LPIN2: variants seen among roughly 807,000 people sequenced by gnomAD.
LPIN2 encodes lipin 2.
Under a neutral mutation model 111.4 loss-of-function variants are expected in LPIN2, and 55 were observed. The observed-to-expected ratio is 0.49, with a 90% confidence interval of 0.40 to 0.62. LPIN2 has a LOEUF of 0.62. Among genes scored for constraint, LPIN2 ranks in the 20% least tolerant of loss-of-function variants. The pLI is 0.00. For synonymous variants in LPIN2, 425 were observed against 414.0 expected (o/e 1.03, Z -0.32); for missense variants, 992 against 1,112.1 (o/e 0.89, Z 1.54).
At position 2,934,389 on chromosome 18, in the gene LPIN2, A is replaced by C; in HGVS notation, c.1230T>G (p.Gly410=). Residue 410 remains glycine (G), a synonymous_variant, in exon 8 of 20, where the codon GGT becomes GGG. Coordinates refer to ENST00000677752, the MANE Select transcript of LPIN2 (RefSeq NM_001375808.2). ...PDDIYLDDLK[G]LEPEVAALYF... is the part of the protein sequence containing the mutation. ...AAAGAGCTGCAACTTCAGGTTCTAG[A>C]CCCTTTAAGTCATCAAGGTAAATAT... 2.5e-6 allele frequency: 4 copies of C among 1,613,806 alleles called. No homozygotes were observed. The highest frequency in any genetic ancestry group is 3.4e-6 in the Non-Finnish European group (4 of 1,179,850).
At chr18:2,932,394 A>C (rs2077222826) in intron 8 of LPIN2, among the ~76,000 whole-genome samples, 2 of 152,240 alleles carry the variant, frequency 1.3e-5, no homozygotes, top group African/African-American at 4.8e-5. Context: ...AGCAGACTAC[A>C]GATTATGTTT....
chr18:2,986,547 T>TAAAAAA (rs1555606339), intron 1 of LPIN2, among the ~76,000 whole-genome samples: 7 of 135,040 alleles, frequency 5.2e-5, no homozygotes, highest in East Asian at 4.3e-4. Context: ...TTTTTTAATG[T>TAAAAAA]AAAAAAAAAA....
At chr18:3,000,118 A>AAGGAGG (rs113566510) in intron 1 of LPIN2, among the ~76,000 whole-genome samples, 2,757 of 144,244 alleles carry the variant, frequency 0.019, 44 homozygotes, top group Non-Finnish European at 0.023. Flanking sequence ...GGAGGGGAAG[A>AAGGAGG]AGGAGGAGGA....
rs551868456 is a variant in LPIN2 at position 2,964,948 on chromosome 18, CA to C, written c.-9-4100del. On this transcript the variant is annotated intron_variant, in intron 1 of 19. Coordinates refer to ENST00000677752, the MANE Select transcript of LPIN2 (RefSeq NM_001375808.2). ...ATTGGGTCTACTCTGACTCTTATGA[CA>C]ATTATTTATGTCCATCTTTAAAAAC... 2.8e-3 allele frequency among the ~76,000 whole-genome samples: 424 copies of C among 152,226 alleles called. 1 individual carries two copies. Among genetic ancestry groups the C allele is most frequent in the African/African-American group, 9.5e-3 (396 of 41,528 alleles).
chr18:2,949,553 AAGAC>A lies in LPIN2; in HGVS notation c.590+1498_590+1501del, dbSNP rs536267350. 4.0e-3 allele frequency among the ~76,000 whole-genome samples: 607 copies of A among 152,314 alleles called. 7 individuals are homozygous for A. Among genetic ancestry groups the A allele is most frequent in the African/African-American group, 0.014 (569 of 41,562 alleles). ...GTTACATATTCAGCGTGGGAGGAGT[AAGAC>A]AGAACACCACAGACATGACAGCTAG... is the stretch of plus-strand genomic sequence containing the variant. On this transcript the variant is annotated intron_variant, in intron 4 of 19. Coordinates refer to ENST00000677752, the MANE Select transcript of LPIN2 (RefSeq NM_001375808.2).
intron 1 of LPIN2, among the ~76,000 whole-genome samples, chr18:3,005,797 G>A (rs1043687412): frequency 2.3e-4 from 35 of 152,112 alleles, no homozygotes; most frequent in African/African-American, 8.2e-4. Context: ...AGGTAGAAAC[G>A]GGAAGACTGC....
At chr18:2,950,940 A>AG in intron 4 of LPIN2, 115 bp downstream of exon 4, 1 of 1,089,824 alleles carries the variant, frequency 9.2e-7, no homozygotes, top group South Asian at 1.3e-5. Flanking sequence ...TAAACTGTAA[A>AG]GGGGGAAAAC....
rs566746627 is a variant in LPIN2, at chr18:2,963,383, T to C, written c.-9-2534A>G. On this transcript the variant is annotated intron_variant, in intron 1 of 19. Coordinates refer to ENST00000677752, the MANE Select transcript of LPIN2 (RefSeq NM_001375808.2). The stretch of plus-strand genomic sequence containing the variant: ...ATGCTAGCCCAGCATAGCTACACAA[T>C]AAGAACCAAGTCAGACCTGTCCTGG... Among the ~76,000 whole-genome samples the C allele has an allele frequency of 2.8e-4, 43 of 152,096 alleles. 3 individuals carry two copies. The highest frequency in any genetic ancestry group is 8.9e-4 in the African/African-American group (37 of 41,410).
At chr18:2,999,387 G>A (rs933675030) in intron 1 of LPIN2, among the ~76,000 whole-genome samples, 3 of 151,924 alleles carry the variant, frequency 2.0e-5, no homozygotes, top group African/African-American at 7.3e-5. Flanking sequence ...ACGAGGTCAG[G>A]AGATCGAGAC....
chr18:2,987,500 CCTTGA>C (rs1381497904), intron 1 of LPIN2, among the ~76,000 whole-genome samples: 2 of 152,114 alleles, frequency 1.3e-5, no homozygotes, highest in Non-Finnish European at 1.5e-5. Flanking sequence ...TCCTCACATT[CCTTGA>C]CTTATTTTTT....
chr18:2,971,221 C>T (rs777694926), intron 1 of LPIN2, among the ~76,000 whole-genome samples: 4 of 152,258 alleles, frequency 2.6e-5, no homozygotes, highest in Non-Finnish European at 4.4e-5. Flanking sequence ...TCTGGTATTT[C>T]GTAAGAGGAG....
In LPIN2 at chr18:2,917,018, T is replaced by C. The variant is rs1169019262; in HGVS notation, c.*3275A>G. The C allele has an allele frequency of 6.6e-6, 1 of 152,272 alleles. No homozygotes were observed. The allele number at this position is 152,272 out of a possible 1,614,324, so 9.4% of individuals were successfully genotyped here. ...ATTCAGTTTATGTTATGTTCGTTTA[T>C]TGTTGTAACATTTTGTTTTGAACAT... On this transcript the variant is annotated 3_prime_UTR_variant, in exon 20 of 20. Transcript: ENST00000677752.
chr18:3,008,409 T>G (rs1192778305), intron 1 of LPIN2, among the ~76,000 whole-genome samples: 2 of 152,232 alleles, frequency 1.3e-5, no homozygotes, highest in Non-Finnish European at 2.9e-5. Context: ...ACCACTGCAC[T>G]CCAGCCTGGG....
chr18:2,994,205 G>C (rs1299773759), intron 1 of LPIN2, among the ~76,000 whole-genome samples: 2 of 152,214 alleles, frequency 1.3e-5, no homozygotes, highest in Non-Finnish European at 2.9e-5. Context: ...ACTTTAGAAG[G>C]CTCTGTGTAT....
chr18:2,942,407 G>C (rs1279154780), intron 4 of LPIN2, among the ~76,000 whole-genome samples: 1 of 152,154 alleles, frequency 6.6e-6, no homozygotes, highest in African/African-American at 2.4e-5. Flanking sequence ...ACATCAGCTT[G>C]ACCCATCACT....
chr18:2,946,235 G>T, intron 4 of LPIN2: 1 of 1,564,864 alleles, frequency 6.4e-7, no homozygotes, highest in Non-Finnish European at 8.8e-7. Flanking sequence ...CGCGTCTACT[G>T]TCTTAGGGGC....
chr18:2,998,713 A>C (rs1339752524), intron 1 of LPIN2, among the ~76,000 whole-genome samples: 3 of 152,224 alleles, frequency 2.0e-5, no homozygotes, highest in Non-Finnish European at 2.9e-5. Flanking sequence ...AGCTCCAAGA[A>C]GGCTCATATC....
At position 2,920,248 on chromosome 18, in the gene LPIN2, T is replaced by C; in HGVS notation, c.*45A>G. 6.2e-7 allele frequency: 1 copy of C among 1,612,760 alleles called. No homozygotes were observed. Among genetic ancestry groups the C allele is most frequent in the South Asian group, 1.1e-5 (1 of 91,050 alleles). ...AGAAGAGCCAGCTGCCTTCCCTTGC[T>C]GTGGGGAGGGGGACCAAGCCCTGCC... is the stretch of plus-strand genomic sequence containing the variant. On this transcript the variant is annotated 3_prime_UTR_variant, in exon 20 of 20. Transcript: ENST00000677752.
At chr18:2,990,433 C>T in intron 1 of LPIN2, among the ~76,000 whole-genome samples, 1 of 152,232 alleles carries the variant, frequency 6.6e-6, no homozygotes, top group South Asian at 2.1e-4. Context: ...ATTCCTACAA[C>T]AACTAAAAGA....
Sources: gnomAD v4.1 joint callset for allele counts (sites outside exome capture counted in the v4.1 genomes callset) on GRCh38, gnomAD v4.1.1 for gene constraint, MANE v1.5 for transcripts, NCBI Gene and HGNC (gene_info 2026-07-23, HGNC 2026-07-21) for gene names.